The following CDKAL1 variants were observed in gnomAD, a reference collection of about 807,000 sequenced individuals.
The protein encoded by CDKAL1 is threonylcarbamoyladenosine tRNA methylthiotransferase.
Under a neutral mutation model 68.2 loss-of-function variants are expected in CDKAL1, and 32 were observed. That is an observed-to-expected ratio of 0.47 (90% CI 0.35 to 0.63). CDKAL1 has a LOEUF of 0.63. Ranked by LOEUF, CDKAL1 falls within the 30% of genes least tolerant of loss-of-function variation. CDKAL1 has a pLI of 0.00. For missense variants in CDKAL1, 606 were observed against 696.7 expected (o/e 0.87, Z 1.47); for synonymous variants, 234 against 244.3 (o/e 0.96, Z 0.39).
At chr6:20,639,671 GTTTTCT>G (rs1345210621) in intron 4 of CDKAL1, among the ~76,000 whole-genome samples, 8 of 152,060 alleles carry the variant, frequency 5.3e-5, no homozygotes, top group Non-Finnish European at 1.0e-4. Context: ...TTTTTATTTT[GTTTTCT>G]TTTTGTTTTT....
intron 4 of CDKAL1, among the ~76,000 whole-genome samples, chr6:20,620,543 A>G (rs1767135041): frequency 6.6e-6 from 1 of 152,196 alleles, no homozygotes; most frequent in African/African-American, 2.4e-5. Context: ...CAGCTAATAT[A>G]TGATGGAGTG....
At chr6:21,050,391 G>A (rs907923878) in intron 11 of CDKAL1, among the ~76,000 whole-genome samples, 3 of 152,190 alleles carry the variant, frequency 2.0e-5, no homozygotes, top group Admixed American at 6.5e-5. Flanking sequence ...CCTGTGTTTG[G>A]CAGTTCCCGA....
chr6:20,568,630 A>G (rs898214300), intron 4 of CDKAL1, among the ~76,000 whole-genome samples: 6 of 151,220 alleles, frequency 4.0e-5, no homozygotes, highest in East Asian at 2.0e-4. Context: ...AGCTGCTTGG[A>G]AGGCTGAGGC....
intron 9 of CDKAL1, among the ~76,000 whole-genome samples, chr6:20,853,200 G>T (rs1759111179): frequency 6.6e-6 from 1 of 151,928 alleles, no homozygotes; most frequent in Non-Finnish European, 1.5e-5. Flanking sequence ...TGCCACACAG[G>T]ATGAAACCCC....
chr6:21,066,816 G>A (rs1382370585), intron 12 of CDKAL1, among the ~76,000 whole-genome samples: 2 of 151,924 alleles, frequency 1.3e-5, no homozygotes, highest in East Asian at 3.9e-4. Flanking sequence ...CATAGAGACA[G>A]GGTCCTACTA....
intron 15 of CDKAL1, among the ~76,000 whole-genome samples, chr6:21,215,304 C>T (rs1412955555): frequency 2.6e-5 from 4 of 152,146 alleles, no homozygotes; most frequent in Non-Finnish European, 5.9e-5. Context: ...GCTTTTCAAG[C>T]CTCTGCATGC....
chr6:21,182,813 T>C (rs1308943276), intron 13 of CDKAL1, among the ~76,000 whole-genome samples: 2 of 152,248 alleles, frequency 1.3e-5, no homozygotes, highest in African/African-American at 4.8e-5. Context: ...CTGTAAGCCC[T>C]TGATGGTATT....
At position 20,600,684 on chromosome 6, in the gene CDKAL1, T is replaced by TACTA. The variant is rs576647573; in HGVS notation, c.287-48606_287-48605insAACT. On this transcript the variant is annotated intron_variant, in intron 4 of 15. Transcript: ENST00000274695. ...ATGATAATTAATACTCAAGATATGATACTTTTATTTATAGTGATTTGGTTG... is the reference window on the plus strand; with the variant it reads ...ATGATAATTAATACTCAAGATATGATACTAACTTTTATTTATAGTGATTTGGTTG... 1.9e-3 allele frequency among the ~76,000 whole-genome samples: 290 copies of TACTA among 151,070 alleles called. 1 individual carries two copies. The highest frequency in any genetic ancestry group is 6.4e-3 in the African/African-American group (264 of 41,258).
intron 5 of CDKAL1, among the ~76,000 whole-genome samples, chr6:20,671,443 C>A (rs1160871288): frequency 5.9e-5 from 9 of 152,112 alleles, no homozygotes; most frequent in Non-Finnish European, 1.3e-4. Flanking sequence ...CTTTGTTGTG[C>A]AGAATATTTT....
intron 13 of CDKAL1, among the ~76,000 whole-genome samples, chr6:21,181,809 T>A (rs1777801421): frequency 6.6e-6 from 1 of 152,244 alleles, no homozygotes; most frequent in African/African-American, 2.4e-5. Context: ...CCTTCTCTAC[T>A]GGTAAGTGAA....
chr6:20,769,715 A>G (rs1287171343), intron 7 of CDKAL1, among the ~76,000 whole-genome samples: 1 of 152,178 alleles, frequency 6.6e-6, no homozygotes, highest in East Asian at 1.9e-4. Context: ...GTATGTTTTG[A>G]TAGGAGTACA....
intron 13 of CDKAL1, among the ~76,000 whole-genome samples, chr6:21,119,871 A>G (rs1355289878): frequency 6.6e-6 from 1 of 152,114 alleles, no homozygotes; most frequent in Non-Finnish European, 1.5e-5. Flanking sequence ...CCCTTGTAAG[A>G]GTCTTACACT....
At chr6:20,768,195 G>A (rs983215142) in intron 7 of CDKAL1, among the ~76,000 whole-genome samples, 5 of 152,110 alleles carry the variant, frequency 3.3e-5, no homozygotes, top group African/African-American at 1.2e-4. Flanking sequence ...ACTATGAAGA[G>A]CTGTGTGCAA....
At chr6:20,589,467 G>A (rs1330423331) in intron 4 of CDKAL1, among the ~76,000 whole-genome samples, 3 of 152,178 alleles carry the variant, frequency 2.0e-5, no homozygotes, top group Non-Finnish European at 2.9e-5. Flanking sequence ...GCTTAGCTTT[G>A]TAAGTAGAAT....
chr6:20,829,092 T>A (rs1346222369), intron 8 of CDKAL1, among the ~76,000 whole-genome samples: 1 of 152,200 alleles, frequency 6.6e-6, no homozygotes, highest in Non-Finnish European at 1.5e-5. Context: ...TTGATTGACA[T>A]TTGGTTTGCT....
intron 5 of CDKAL1, among the ~76,000 whole-genome samples, chr6:20,665,949 AC>A (rs34184260): frequency 0.4 from 60,061 of 151,608 alleles, 13,028 homozygotes; most frequent in African/African-American, 0.58. Context: ...TGGCAGTTGC[AC>A]CCCCCCAATT....
chr6:21,068,236 T>G (rs934201650), intron 12 of CDKAL1, among the ~76,000 whole-genome samples: 106 of 152,328 alleles, frequency 7.0e-4, no homozygotes, highest in African/African-American at 2.5e-3. Flanking sequence ...TATCAATTTT[T>G]TTTTTATGTT....
At chr6:20,722,314 A>T in intron 5 of CDKAL1, 1 of 169,284 alleles carries the variant, frequency 5.9e-6, no homozygotes, top group Non-Finnish European at 1.3e-5. Context: ...TGTCTTCATA[A>T]TAAAAGATGA....
At chr6:20,670,953 A>G (rs1053038028) in intron 5 of CDKAL1, among the ~76,000 whole-genome samples, 1 of 152,152 alleles carries the variant, frequency 6.6e-6, no homozygotes, top group Non-Finnish European at 1.5e-5. Flanking sequence ...AGGTTGTCTG[A>G]TATTTCACAA....
Sources: allele counts gnomAD v4.1 joint callset (sites outside exome capture counted in the v4.1 genomes callset), GRCh38; gene constraint gnomAD v4.1.1; transcripts MANE v1.5; gene names NCBI Gene and HGNC (gene_info 2026-07-23, HGNC 2026-07-21).